The following ERBB4 variants were observed in gnomAD, a reference collection of about 807,000 sequenced individuals.
ERBB4 encodes receptor tyrosine-protein kinase erbB-4.
A neutral mutation model predicts 158.0 loss-of-function variants in ERBB4; 42 were observed. The observed-to-expected ratio is 0.27, with a 90% CI of 0.21 to 0.34. ERBB4 has a LOEUF of 0.34. ERBB4 is among the 10% of genes least tolerant of loss of function. The pLI is 1.00. For synonymous variants in ERBB4, 583 were observed against 558.7 expected (o/e 1.04, Z -0.61); for missense variants, 1,333 against 1,624.1 (o/e 0.82, Z 3.08).
At chr2:211,520,406 G>T (rs140542374) in intron 20 of ERBB4, among the ~76,000 whole-genome samples, 5 of 152,190 alleles carry the variant, frequency 3.3e-5, no homozygotes, top group African/African-American at 1.2e-4. Context: ...GTAAAACATG[G>T]GTTGGCAAAA....
rs572472395 is a variant in ERBB4 at position 212,402,718 on chromosome 2, A to T, written c.82+135731T>A. ...TTTGCATAAGTGGTATTAAAAAAAC[A>T]ACTGCATGTGTATAAATACAGGGGT... On this transcript the variant is annotated intron_variant, in intron 1 of 27. Transcript: ENST00000342788. Among the ~76,000 whole-genome samples the T allele has an allele frequency of 7.9e-5, 12 of 152,252 alleles. No individual in the cohort carries two copies. The East Asian group carries it at 1.9e-3, about 24-fold the overall frequency.
At chr2:211,643,891 T>C (rs2070693586) in intron 16 of ERBB4, among the ~76,000 whole-genome samples, 1 of 152,042 alleles carries the variant, frequency 6.6e-6, no homozygotes, top group Admixed American at 6.6e-5. Flanking sequence ...TGTCATCCAT[T>C]TCCAAGCAGT....
At chr2:211,729,203 T>G (rs1297282350) in intron 5 of ERBB4, among the ~76,000 whole-genome samples, 1 of 151,778 alleles carries the variant, frequency 6.6e-6, no homozygotes, top group Non-Finnish European at 1.5e-5. Flanking sequence ...TTATATTCCC[T>G]TTTAGAAACA....
At chr2:212,076,290 G>T (rs1181560563) in intron 2 of ERBB4, among the ~76,000 whole-genome samples, 2 of 151,702 alleles carry the variant, frequency 1.3e-5, no homozygotes, top group Non-Finnish European at 2.9e-5. Context: ...TTATTTATTT[G>T]ACAATTATCT....
rs1422100766 is a variant in ERBB4, at chr2:211,712,245, C to A, written c.998-69G>T. On this transcript the variant is annotated intron_variant, in intron 8 of 27. Transcript: ENST00000342788. The stretch of plus-strand genomic sequence containing the variant: ...TTTGGCCAATAAATCATTGCATCTT[C>A]ATTATAAAATAGCAGAGTATTTTTA... 4.1e-6 allele frequency: 6 copies of A among 1,451,714 alleles called. 1 individual carries two copies. The highest frequency in any genetic ancestry group is 5.8e-6 in the Non-Finnish European group (6 of 1,033,952). The allele number at this position is 1,451,714 out of a possible 1,614,324, so 89.9% of individuals were successfully genotyped here. A position where few individuals can be genotyped will look rare whatever the true frequency, so the allele number is the denominator to read the frequency against.
At chr2:212,305,397 T>C (rs557096583) in intron 1 of ERBB4, among the ~76,000 whole-genome samples, 1 of 151,514 alleles carries the variant, frequency 6.6e-6, no homozygotes, top group East Asian at 2.0e-4. Flanking sequence ...ATTTTATGAG[T>C]ATTCTTCTAA....
At chr2:211,831,447 A>G (rs1300708693) in intron 3 of ERBB4, among the ~76,000 whole-genome samples, 2 of 152,344 alleles carry the variant, frequency 1.3e-5, no homozygotes, top group East Asian at 3.9e-4. Flanking sequence ...TCCGTACTAC[A>G]AAACAGCCTT....
At chr2:211,576,908 C>T (rs1168135450) in intron 19 of ERBB4, among the ~76,000 whole-genome samples, 2 of 152,036 alleles carry the variant, frequency 1.3e-5, no homozygotes, top group Non-Finnish European at 2.9e-5. Context: ...AGATAAATAA[C>T]ACTGGTAGGG....
At chr2:211,940,831 G>A (rs2080473687) in intron 3 of ERBB4, among the ~76,000 whole-genome samples, 1 of 151,996 alleles carries the variant, frequency 6.6e-6, no homozygotes. Flanking sequence ...GGTACAGCAG[G>A]AGGAGAAATT....
chr2:212,044,420 T>C (rs2077209384), intron 2 of ERBB4, among the ~76,000 whole-genome samples: 1 of 152,178 alleles, frequency 6.6e-6, no homozygotes, highest in Non-Finnish European at 1.5e-5. Context: ...TTGGTTGAAG[T>C]ACTGAGTTTT....
chr2:212,098,654 C>T (rs1412557230), intron 2 of ERBB4, among the ~76,000 whole-genome samples: 2 of 151,860 alleles, frequency 1.3e-5, no homozygotes, highest in South Asian at 2.1e-4. Flanking sequence ...TTAGAAAATT[C>T]CCAGTTAGGG....
At chr2:211,772,838 C>CATATAT (rs1278564933) in intron 4 of ERBB4, among the ~76,000 whole-genome samples, 48 of 18,310 alleles carry the variant, frequency 2.6e-3, no homozygotes, top group East Asian at 5.8e-3. Flanking sequence ...TATATATACA[C>CATATAT]ATATATATAT....
chr2:211,467,823 A>G (rs2064732243), intron 20 of ERBB4, among the ~76,000 whole-genome samples: 1 of 152,194 alleles, frequency 6.6e-6, no homozygotes, highest in South Asian at 2.1e-4. Flanking sequence ...TGATCTAGAT[A>G]AAACATGTGA....
intron 2 of ERBB4, among the ~76,000 whole-genome samples, chr2:212,073,242 T>C (rs1477460930): frequency 6.6e-6 from 1 of 152,002 alleles, no homozygotes; most frequent in Non-Finnish European, 1.5e-5. Context: ...CATCTTTATC[T>C]TGAGAATAAC....
chr2:212,209,413 T>C, intron 1 of ERBB4, among the ~76,000 whole-genome samples: 1 of 152,180 alleles, frequency 6.6e-6, no homozygotes, highest in South Asian at 2.1e-4. Context: ...AACATTACTT[T>C]TGTTTGTTCT....
At chr2:212,255,416 A>C (rs373341434) in intron 1 of ERBB4, among the ~76,000 whole-genome samples, 2 of 152,290 alleles carry the variant, frequency 1.3e-5, no homozygotes, top group East Asian at 1.9e-4. Context: ...CAGTTTACCT[A>C]ATCTGCCAAT....
chr2:212,087,904 A>G (rs1229117406), intron 2 of ERBB4, among the ~76,000 whole-genome samples: 1 of 117,770 alleles, frequency 8.5e-6, no homozygotes, highest in Non-Finnish European at 2.0e-5. Context: ...TCTGTTAAAA[A>G]GGAATAATAA....
chr2:212,498,706 T>G (rs1212744860), intron 1 of ERBB4, among the ~76,000 whole-genome samples: 1 of 152,076 alleles, frequency 6.6e-6, no homozygotes, highest in Non-Finnish European at 1.5e-5. Context: ...CATCAGGATA[T>G]TTGAGAATTC....
At chr2:211,652,938 T>C (rs991121827) in intron 16 of ERBB4, among the ~76,000 whole-genome samples, 2 of 151,990 alleles carry the variant, frequency 1.3e-5, no homozygotes, top group African/African-American at 4.8e-5. Context: ...CCTAATAGAA[T>C]AGGAGACTGA....
Sources: allele counts gnomAD v4.1 joint callset (sites outside exome capture counted in the v4.1 genomes callset), GRCh38; gene constraint gnomAD v4.1.1; transcripts MANE v1.5; gene names NCBI Gene and HGNC (gene_info 2026-07-23, HGNC 2026-07-21).